Variants in VWA8 observed in about 807,000 individuals in gnomAD.
VWA8 encodes von Willebrand factor A domain containing 8.
Under a neutral mutation model 241.5 loss-of-function variants are expected in VWA8, and 221 were observed. The ratio of observed to expected loss-of-function variants is 0.91; its 90% confidence interval spans 0.82 to 1.02. The LOEUF is 1.02. VWA8 is among the 50% of genes least tolerant of loss of function. VWA8 has a pLI of 0.00. For synonymous variants in VWA8, 852 were observed against 827.1 expected, an observed-to-expected ratio of 1.03 and a Z score of -0.52; for missense variants, 2,322 against 2,328.7, an observed-to-expected ratio of 1.00 and a Z score of 0.06.
intron 40 of VWA8, among the ~76,000 whole-genome samples, chr13:41,601,841 T>A (rs1283110070): frequency 6.6e-6 from 1 of 152,070 alleles, no homozygotes; most frequent in Non-Finnish European, 1.5e-5. Context: ...GCTCCTCAAA[T>A]CCCACCTGGA....
chr13:41,776,449 C>T (rs569634439), intron 20 of VWA8, among the ~76,000 whole-genome samples: 4 of 152,258 alleles, frequency 2.6e-5, no homozygotes, highest in East Asian at 1.9e-4. Context: ...CATCTTCCCA[C>T]TCTGGTATAT....
intron 37 of VWA8, among the ~76,000 whole-genome samples, chr13:41,664,669 A>C (rs192041851): frequency 6.6e-6 from 1 of 152,066 alleles, no homozygotes; most frequent in Non-Finnish European, 1.5e-5. Context: ...ACTTTCGACT[A>C]ATCTTCCAAA....
intron 17 of VWA8, among the ~76,000 whole-genome samples, chr13:41,809,751 A>C (rs1870381032): frequency 6.6e-6 from 1 of 152,184 alleles, no homozygotes; most frequent in Non-Finnish European, 1.5e-5. Context: ...AATGGGACAA[A>C]TAGGATCACA....
chr13:41,629,327 C>A (rs2044712323), intron 37 of VWA8, among the ~76,000 whole-genome samples: 1 of 151,818 alleles, frequency 6.6e-6, no homozygotes, highest in African/African-American at 2.4e-5. Flanking sequence ...ACCCTCTGAA[C>A]CTAAAATAAA....
intron 24 of VWA8, among the ~76,000 whole-genome samples, chr13:41,723,829 G>A (rs891460311): frequency 6.6e-6 from 1 of 152,110 alleles, no homozygotes; most frequent in Non-Finnish European, 1.5e-5. Flanking sequence ...GGTCTGGGTT[G>A]GAGATGAATA....
At chr13:41,577,417 T>G (rs1036403294) in intron 42 of VWA8, among the ~76,000 whole-genome samples, 3 of 152,090 alleles carry the variant, frequency 2.0e-5, no homozygotes, top group African/African-American at 7.2e-5. Context: ...AGGTACCAAA[T>G]AAAAACTGAA....
intron 37 of VWA8, among the ~76,000 whole-genome samples, chr13:41,637,158 C>T (rs1593665704): frequency 6.6e-6 from 1 of 151,542 alleles, no homozygotes; most frequent in Non-Finnish European, 1.5e-5. Context: ...GACTTGGAAC[C>T]AACCCAAATG....
intron 12 of VWA8, among the ~76,000 whole-genome samples, chr13:41,863,275 A>C (rs1410267272): frequency 6.6e-6 from 1 of 150,886 alleles, no homozygotes; most frequent in East Asian, 1.9e-4. Flanking sequence ...TGAGACTTGG[A>C]GTGGCTCTCC....
intron 12 of VWA8, chr13:41,864,690 C>T: frequency 2.5e-6 from 1 of 405,114 alleles, no homozygotes; most frequent in Non-Finnish European, 4.8e-6. Context: ...AAACTGAGAG[C>T]TACTGTTTAA....
intron 4 of VWA8, among the ~76,000 whole-genome samples, chr13:41,901,164 T>G (rs1875406820): frequency 6.6e-6 from 1 of 150,982 alleles, no homozygotes; most frequent in Non-Finnish European, 1.5e-5. Flanking sequence ...CCAGGCTGGA[T>G]TGCAATGACT....
intron 20 of VWA8, among the ~76,000 whole-genome samples, chr13:41,767,709 C>G (rs555894030): frequency 2.0e-5 from 3 of 152,094 alleles, no homozygotes; most frequent in Non-Finnish European, 2.9e-5. Context: ...AAAACACAAC[C>G]CTTATAAACC....
chr13:41,755,023 G>A (rs1211318617), intron 21 of VWA8, among the ~76,000 whole-genome samples: 2 of 151,878 alleles, frequency 1.3e-5, no homozygotes, highest in Non-Finnish European at 2.9e-5. Context: ...GGACCCTTAG[G>A]TTGCTTCTTC....
intron 16 of VWA8, among the ~76,000 whole-genome samples, chr13:41,812,951 GC>G: frequency 6.6e-6 from 1 of 152,182 alleles, no homozygotes; most frequent in Admixed American, 6.6e-5. Context: ...GCTGTTATAG[GC>G]AGTTAAAATA....
chr13:41,624,131 G>A (rs2044674131), intron 37 of VWA8, among the ~76,000 whole-genome samples: 1 of 152,092 alleles, frequency 6.6e-6, no homozygotes, highest in East Asian at 1.9e-4. Context: ...GGAAGAAATT[G>A]AATACCTGAA....
At chr13:41,905,948 G>A (rs538268530) in intron 4 of VWA8, among the ~76,000 whole-genome samples, 101 of 152,152 alleles carry the variant, frequency 6.6e-4, no homozygotes, top group African/African-American at 2.3e-3. Flanking sequence ...AGTAATCTAT[G>A]AAGTGAACTT....
At chr13:41,953,461 A>G (rs1281442545) in intron 1 of VWA8, among the ~76,000 whole-genome samples, 1 of 152,198 alleles carries the variant, frequency 6.6e-6, no homozygotes, top group Non-Finnish European at 1.5e-5. Context: ...ATGCACATGG[A>G]ACATTCACCA....
chr13:41,746,664 T>C (rs2045609429), intron 21 of VWA8, among the ~76,000 whole-genome samples: 1 of 152,216 alleles, frequency 6.6e-6, no homozygotes, highest in African/African-American at 2.4e-5. Flanking sequence ...AAAGGAGGTG[T>C]GATTGAGCAT....
chr13:41,800,383 T>C (rs1593780433), intron 17 of VWA8, among the ~76,000 whole-genome samples: 1 of 152,214 alleles, frequency 6.6e-6, no homozygotes. Flanking sequence ...TTACTTATTA[T>C]ATTTTATTCA....
intron 12 of VWA8, among the ~76,000 whole-genome samples, chr13:41,835,837 A>G (rs1871699694): frequency 6.6e-6 from 1 of 152,234 alleles, no homozygotes; most frequent in Non-Finnish European, 1.5e-5. Context: ...AACTCCTGGT[A>G]TGAATCATTC....
Sources: allele counts gnomAD v4.1 joint callset (sites outside exome capture counted in the v4.1 genomes callset), GRCh38; gene constraint gnomAD v4.1.1; transcripts MANE v1.5; gene names NCBI Gene and HGNC (gene_info 2026-07-23, HGNC 2026-07-21).